The following TACR1 variants were observed in gnomAD, a reference collection of about 807,000 sequenced individuals.
The protein encoded by TACR1 is tachykinin receptor 1.
A neutral mutation model predicts 35.8 loss-of-function variants in TACR1; 25 were observed. The observed-to-expected ratio is 0.70, with a 90% CI of 0.51 to 0.98. The LOEUF (loss-of-function observed/expected upper bound fraction) is 0.98, where lower values mean the gene tolerates loss of function less well. Among genes scored for constraint, TACR1 ranks in the 50% least tolerant of loss-of-function variants. TACR1 has a pLI of 0.00. For missense variants in TACR1, 478 were observed against 522.9 expected, an observed-to-expected ratio of 0.91 and a Z score of 0.84; for synonymous variants, 195 against 206.7, an observed-to-expected ratio of 0.94 and a Z score of 0.48.
intron 2 of TACR1, among the ~76,000 whole-genome samples, chr2:75,103,938 A>C (rs1040588941): frequency 6.6e-6 from 1 of 152,134 alleles, no homozygotes; most frequent in Non-Finnish European, 1.5e-5. Context: ...GAATCAAAGC[A>C]TACTATTATA....
At chr2:75,060,121 G>C (rs1228482155) in intron 2 of TACR1, among the ~76,000 whole-genome samples, 2 of 152,160 alleles carry the variant, frequency 1.3e-5, no homozygotes, top group African/African-American at 2.4e-5. Flanking sequence ...GGGACACTGA[G>C]GAGAGTTCTA....
At chr2:75,080,148 G>C (rs1673056019) in intron 2 of TACR1, among the ~76,000 whole-genome samples, 1 of 152,136 alleles carries the variant, frequency 6.6e-6, no homozygotes, top group Non-Finnish European at 1.5e-5. Context: ...AATGCAACTA[G>C]AACTTTCTAA....
intron 1 of TACR1, among the ~76,000 whole-genome samples, chr2:75,130,125 ATAT>A (rs948049099): frequency 6.6e-6 from 1 of 152,174 alleles, no homozygotes; most frequent in African/African-American, 2.4e-5. Flanking sequence ...TTGCATTAAA[ATAT>A]TATTTGTCTT....
At chr2:75,128,068 A>G (rs1674109190) in intron 1 of TACR1, among the ~76,000 whole-genome samples, 1 of 152,146 alleles carries the variant, frequency 6.6e-6, no homozygotes, top group Non-Finnish European at 1.5e-5. Context: ...GTGTTCACAT[A>G]TATTTTTGTC....
chr2:75,136,859 T>C (rs1190071803), intron 1 of TACR1, among the ~76,000 whole-genome samples: 2 of 152,160 alleles, frequency 1.3e-5, no homozygotes, highest in East Asian at 1.9e-4. Context: ...CATTCAGAGC[T>C]CCAGGAAGAT....
chr2:75,097,147 G>A (rs183599387), intron 2 of TACR1, among the ~76,000 whole-genome samples: 97 of 152,336 alleles, frequency 6.4e-4, no homozygotes, highest in African/African-American at 2.2e-3. Flanking sequence ...TTGGTGGGAA[G>A]AATAGAAGTA....
intron 2 of TACR1, among the ~76,000 whole-genome samples, chr2:75,087,807 A>G (rs1673217018): frequency 6.6e-6 from 1 of 152,242 alleles, no homozygotes. Flanking sequence ...TGTTTTTGAT[A>G]TTGAGACTTA....
intron 1 of TACR1, among the ~76,000 whole-genome samples, chr2:75,152,479 C>A (rs75845234): frequency 0.023 from 3,571 of 152,250 alleles, 130 homozygotes; most frequent in African/African-American, 0.081. Context: ...AAGTGTCTTT[C>A]ACCTCCCCCC....
chr2:75,139,941 T>C (rs1572952453), intron 1 of TACR1, among the ~76,000 whole-genome samples: 1 of 152,226 alleles, frequency 6.6e-6, no homozygotes, highest in South Asian at 2.1e-4. Context: ...TCATTAATTC[T>C]AGGTGCACAT....
At chr2:75,082,075 C>T (rs940763429) in intron 2 of TACR1, among the ~76,000 whole-genome samples, 3 of 152,020 alleles carry the variant, frequency 2.0e-5, no homozygotes, top group African/African-American at 4.8e-5. Context: ...CCCCACTCCC[C>T]GCACCCCACA....
intron 2 of TACR1, among the ~76,000 whole-genome samples, chr2:75,069,189 C>T (rs928466380): frequency 1.9e-4 from 29 of 152,162 alleles, no homozygotes; most frequent in African/African-American, 6.0e-4. Context: ...ATTGTGAGGA[C>T]TTCCCAGCCA....
At chr2:75,179,765 G>T (rs1356017014) in intron 1 of TACR1, among the ~76,000 whole-genome samples, 1 of 152,202 alleles carries the variant, frequency 6.6e-6, no homozygotes, top group Non-Finnish European at 1.5e-5. Context: ...AGATGGCTGA[G>T]CCACATGATG....
At chr2:75,176,943 T>C (rs1349099930) in intron 1 of TACR1, among the ~76,000 whole-genome samples, 4 of 152,176 alleles carry the variant, frequency 2.6e-5, no homozygotes, top group Admixed American at 6.5e-5. Context: ...AGGAACACTG[T>C]CTTCAGCAAA....
At chr2:75,159,173 T>C (rs1458705088) in intron 1 of TACR1, among the ~76,000 whole-genome samples, 1 of 152,128 alleles carries the variant, frequency 6.6e-6, no homozygotes, top group Admixed American at 6.5e-5. Flanking sequence ...ATTTTAGGTC[T>C]GTAAAGGTTC....
chr2:75,149,264 C>A (rs1674613536), intron 1 of TACR1, among the ~76,000 whole-genome samples: 1 of 152,054 alleles, frequency 6.6e-6, no homozygotes, highest in Non-Finnish European at 1.5e-5. Flanking sequence ...GTATTTTTTT[C>A]TAATTCTGTG....
At chr2:75,158,011 C>T (rs1292882599) in intron 1 of TACR1, among the ~76,000 whole-genome samples, 3 of 152,226 alleles carry the variant, frequency 2.0e-5, no homozygotes, top group African/African-American at 7.2e-5. Context: ...ATTATTACCT[C>T]ATAGGTTAGG....
At chr2:75,129,791 G>A (rs774044100) in intron 1 of TACR1, among the ~76,000 whole-genome samples, 1 of 152,286 alleles carries the variant, frequency 6.6e-6, no homozygotes, top group East Asian at 1.9e-4. Flanking sequence ...CTTTCCCCAA[G>A]TGGTAAGCAT....
intron 2 of TACR1, among the ~76,000 whole-genome samples, chr2:75,116,987 A>T (rs1186192195): frequency 6.6e-6 from 1 of 152,070 alleles, no homozygotes; most frequent in East Asian, 1.9e-4. Context: ...CTTATTGCTT[A>T]GTTTGAAACA....
At chr2:75,103,538 A>T (rs1195698885) in intron 2 of TACR1, among the ~76,000 whole-genome samples, 1 of 149,728 alleles carries the variant, frequency 6.7e-6, no homozygotes, top group African/African-American at 2.5e-5. Flanking sequence ...AATACCCATG[A>T]GTCCATACTA....
Sources: gnomAD v4.1 joint callset for allele counts (sites outside exome capture counted in the v4.1 genomes callset) on GRCh38, gnomAD v4.1.1 for gene constraint, MANE v1.5 for transcripts, NCBI Gene and HGNC (gene_info 2026-07-23, HGNC 2026-07-21) for gene names.